Variants in EHD3 observed in about 807,000 individuals in gnomAD.
EHD3 encodes EH domain containing 3.
A neutral mutation model predicts 43.0 loss-of-function variants in EHD3; 17 were observed. The ratio of observed to expected loss-of-function variants is 0.40; its 90% CI spans 0.27 to 0.59. The LOEUF is 0.59. EHD3 is among the 20% of genes least tolerant of loss of function. The pLI, the probability that EHD3 is intolerant of heterozygous loss-of-function variation, is 0.49. For missense variants in EHD3, 594 were observed against 705.6 expected, an observed-to-expected ratio of 0.84 and a Z score of 1.79; for synonymous variants, 313 against 289.5, an observed-to-expected ratio of 1.08 and a Z score of -0.82.
intron 3 of EHD3, among the ~76,000 whole-genome samples, chr2:31,255,390 C>G (rs901421639): frequency 2.6e-5 from 4 of 152,212 alleles, no homozygotes; most frequent in African/African-American, 9.7e-5. Flanking sequence ...GCAGTCTGTG[C>G]TGTCAGATCT....
intron 2 of EHD3, among the ~76,000 whole-genome samples, chr2:31,247,323 G>A (rs1683547168): frequency 6.7e-6 from 1 of 149,898 alleles, no homozygotes; most frequent in Middle Eastern, 3.4e-3. Context: ...TTTTTTGTTT[G>A]TTTGTTTTTT....
At chr2:31,247,088 G>A (rs905130255) in intron 2 of EHD3, among the ~76,000 whole-genome samples, 1 of 152,032 alleles carries the variant, frequency 6.6e-6, no homozygotes, top group African/African-American at 2.4e-5. Flanking sequence ...GTAGAGACAG[G>A]GTTTCACCAT....
At chr2:31,257,905 A>G (rs1432684830) in intron 3 of EHD3, among the ~76,000 whole-genome samples, 1 of 152,156 alleles carries the variant, frequency 6.6e-6, no homozygotes, top group Non-Finnish European at 1.5e-5. Flanking sequence ...TGACGCACCC[A>G]TCAGGAACTA....
At chr2:31,242,892 G>A (rs1045479757) in intron 1 of EHD3, among the ~76,000 whole-genome samples, 4 of 152,128 alleles carry the variant, frequency 2.6e-5, no homozygotes, top group African/African-American at 4.8e-5. Flanking sequence ...CCTGGGAGGC[G>A]GAGGTTGCAG....
In EHD3 at chr2:31,256,906, A is replaced by G. The variant is rs576486746; in HGVS notation, c.503-3604A>G. 9.2e-5 allele frequency among the ~76,000 whole-genome samples: 14 copies of G among 152,324 alleles called. No individual in the cohort carries two copies. In the South Asian group the frequency reaches 2.5e-3, roughly 27 times the overall value. ...GCCTTGGGCCTTTCTCTCACCCTCT[A>G]TAAACCTCCATTACCTTGTCAGCAT... On this transcript the variant is annotated intron_variant, in intron 3 of 5. Coordinates refer to ENST00000322054, the MANE Select transcript of EHD3 (RefSeq NM_014600.3).
At chr2:31,253,451 C>T (rs1465929710) in intron 3 of EHD3, among the ~76,000 whole-genome samples, 1 of 152,188 alleles carries the variant, frequency 6.6e-6, no homozygotes, top group South Asian at 2.1e-4. Flanking sequence ...ATGTCCTACA[C>T]GAGGGCATCT....
chr2:31,243,456 C>CTTTTTTTTTT (rs1418621028), intron 1 of EHD3, among the ~76,000 whole-genome samples: 8 of 93,316 alleles, frequency 8.6e-5, no homozygotes, highest in African/African-American at 2.0e-4. Flanking sequence ...TTCTTTCTTT[C>CTTTTTTTTTT]TTTCTTTTTT....
chr2:31,261,863 TA>T, intron 5 of EHD3, 150 bp downstream of exon 5: 1 of 964,600 alleles, frequency 1.0e-6, no homozygotes, highest in Non-Finnish European at 1.5e-6. Flanking sequence ...TCTACACTCC[TA>T]GCTGGGCCAT....
In EHD3 at chr2:31,234,629, G is replaced by C; in HGVS notation, c.8G>C (p.Ser3Thr). The C allele has an allele frequency of 1.2e-6, 2 of 1,613,760 alleles. No homozygotes were observed. Among genetic ancestry groups the C allele is most frequent in the Non-Finnish European group, 8.5e-7 (1 of 1,179,954 alleles). Residue 3 changes from serine (S) to threonine (T), a missense_variant, in exon 1 of 6, where the codon AGC becomes ACC. Ser to Thr is a moderately conservative substitution (Grantham distance 58, BLOSUM62 1). This residue lies in a region of EHD3 where 243 missense variants were observed against 296.7 expected (regional missense o/e 0.82). Coordinates refer to ENST00000322054, the MANE Select transcript of EHD3 (RefSeq NM_014600.3). The stretch of plus-strand genomic sequence containing the variant: ...GGGCGAGCGGCGGCCGCGATGTTCA[G>C]CTGGCTGGGTACGGACGACCGCCGG... Reference protein sequence around the residue: MFSWLGTDDRRRK... With the variant: MFTWLGTDDRRRK...
rs1238111837 is a variant in EHD3 at position 31,268,999 on chromosome 2, C to A, written c.*2295C>A. 2.0e-5 allele frequency: 3 copies of A among 152,238 alleles called. No individual in the cohort carries two copies. The highest frequency in any genetic ancestry group is 4.4e-5 in the Non-Finnish European group (3 of 68,066). 9.4% of individuals were successfully genotyped at this position (152,238 alleles called of 1,614,324 possible). On this transcript the variant is annotated 3_prime_UTR_variant, in exon 6 of 6. Transcript: ENST00000322054. ...GAGGTGTGGGAATTCCATGTTTGCACAGCTCCCATCTCCCTGGAAAGAGGA... is the reference window on the plus strand; with the variant it reads ...GAGGTGTGGGAATTCCATGTTTGCAAAGCTCCCATCTCCCTGGAAAGAGGA...
At chr2:31,257,479 G>A (rs1683772948) in intron 3 of EHD3, among the ~76,000 whole-genome samples, 1 of 152,134 alleles carries the variant, frequency 6.6e-6, no homozygotes, top group Non-Finnish European at 1.5e-5. Flanking sequence ...GCGGCCAGGT[G>A]CAGAACGGCT....
chr2:31,253,243 C>G (rs1220372660), intron 3 of EHD3, among the ~76,000 whole-genome samples: 1 of 89,240 alleles, frequency 1.1e-5, no homozygotes, highest in African/African-American at 5.6e-5. Flanking sequence ...CAGCAACCCC[C>G]TCCCACACAC....
chr2:31,266,198 T>G lies in EHD3; in HGVS notation c.1102T>G (p.Phe368Val). 6.2e-7 allele frequency: 1 copy of G among 1,612,272 alleles called. No homozygotes were observed. ...CCAGGACCAGCTGCAGGCCCAGGACTTTAGCAAGTTCCAGCCGCTGAAGAG... is the reference window on the plus strand; with the variant it reads ...CCAGGACCAGCTGCAGGCCCAGGACGTTAGCAAGTTCCAGCCGCTGAAGAG... ...RMQDQLQAQD[F>V]SKFQPLKSKL... Residue 368 changes from phenylalanine (F) to valine (V), a missense_variant, in exon 6 of 6, where the codon TTT becomes GTT. By Grantham distance (50) the Phe-to-Val change is conservative (BLOSUM62 -1). Around this residue, in one of 3 missense-constraint regions of EHD3, gnomAD observed 322 missense variants for 348.0 expected, o/e 0.93. Coordinates refer to ENST00000322054, the MANE Select transcript of EHD3 (RefSeq NM_014600.3). This position sits in a 1 kb window ranked among gnomAD's most constrained non-coding sequence, Gnocchi z 5.1.
Position 31,234,345 on chromosome 2 carries a change from T to C in EHD3, c.-277T>C, listed in dbSNP as rs1683281589. ...AGTTTCCTTGCAGGTTCAACTTTAA[T>C]TGCCAAGATTTCACCCCTCCTCCTC... On this transcript the variant is annotated 5_prime_UTR_variant, in exon 1 of 6. Transcript: ENST00000322054. The C allele has an allele frequency of 2.2e-6, 1 of 455,084 alleles. No individual in the cohort carries two copies. Among genetic ancestry groups the C allele is most frequent in the Non-Finnish European group, 4.0e-6 (1 of 250,214 alleles). The allele number at this position is 455,084 out of a possible 1,614,324, so 28.2% of individuals were successfully genotyped here. A position where few individuals can be genotyped will look rare whatever the true frequency, so the allele number is the denominator to read the frequency against.
chr2:31,249,227 T>C, intron 2 of EHD3, 144 bp from the exon 3 acceptor site: 1 of 709,360 alleles, frequency 1.4e-6, no homozygotes. Context: ...AGCCACACCC[T>C]GAACTGGGCA....
At chr2:31,238,643 C>T (rs551371732) in intron 1 of EHD3, among the ~76,000 whole-genome samples, 358 of 152,354 alleles carry the variant, frequency 2.3e-3, no homozygotes, top group African/African-American at 8.0e-3. Context: ...TGCTATTCTT[C>T]TCCCTTTGCT....
chr2:31,245,735 GTT>G (rs765195110), intron 2 of EHD3, among the ~76,000 whole-genome samples: 23 of 68,318 alleles, frequency 3.4e-4, no homozygotes, highest in African/African-American at 1.2e-3. Flanking sequence ...CTAATTTTGT[GTT>G]TTTTTTTTTT....
At chr2:31,243,974 A>G (rs1055642144) in intron 1 of EHD3, among the ~76,000 whole-genome samples, 3 of 152,096 alleles carry the variant, frequency 2.0e-5, no homozygotes, top group Admixed American at 6.5e-5. Flanking sequence ...ATTTCAATCC[A>G]TGCTTTGTTT....
At chr2:31,250,891 T>C (rs1266615431) in intron 3 of EHD3, among the ~76,000 whole-genome samples, 2 of 152,210 alleles carry the variant, frequency 1.3e-5, no homozygotes, top group Non-Finnish European at 2.9e-5. Flanking sequence ...TAGGTGACTG[T>C]CTGCATGTGC....
Sources: gnomAD v4.1 joint callset for allele counts (sites outside exome capture counted in the v4.1 genomes callset) on GRCh38, gnomAD v4.1.1 for gene constraint, gnomAD v4.1.1 regional missense constraint, Gnocchi (gnomAD v3.1) non-coding constraint, MANE v1.5 for transcripts, NCBI Gene and HGNC (gene_info 2026-07-23, HGNC 2026-07-21) for gene names.